Variants in ZNF568 observed in about 807,000 individuals in gnomAD.
The protein encoded by ZNF568 is zinc finger protein 568, also known as p53 inhibitor of SCO2 activation.
In ZNF568, 11 loss-of-function variants were observed where a neutral mutation model predicts 18.1. The observed-to-expected ratio is 0.61, with a 90% CI of 0.38 to 1.00. ZNF568 has a LOEUF of 1.00. Ranked by LOEUF, ZNF568 falls within the 50% of genes least tolerant of loss-of-function variation. The pLI is 0.01. For synonymous variants in ZNF568, 213 were observed against 246.6 expected, an observed-to-expected ratio of 0.86 and a Z score of 1.28; for missense variants, 639 against 768.2, an observed-to-expected ratio of 0.83 and a Z score of 1.99.
chr19:36,957,219 CTT>C (rs56712509), downstream of ZNF568, among the ~76,000 whole-genome samples: 1,409 of 69,542 alleles, frequency 0.02, 14 homozygotes, highest in East Asian at 0.041. Context: ...CCAGACTGTT[CTT>C]TTTTTTTTTT....
chr19:36,975,311 C>T (rs2074273963), intron 7 of ZNF568, among the ~76,000 whole-genome samples: 2 of 151,678 alleles, frequency 1.3e-5, no homozygotes, highest in Non-Finnish European at 1.5e-5. Flanking sequence ...CCACGCCCGG[C>T]TAATTTTTTG....
rs904238950 is a variant in ZNF568, at chr19:36,950,098, C to T, written c.945C>T (p.Phe315=). 8 of 1,613,582 alleles carry T rather than the reference C, an allele frequency of 5.0e-6. No individual in the cohort carries two copies. The East Asian group carries it at 6.7e-5, about 13-fold the overall frequency. ...CATGTAAGGATTGTTGGAAAGCCTTCAGTCAGAAATCAAATCTCATTGAAC... is the reference window on the plus strand; with the variant it reads ...CATGTAAGGATTGTTGGAAAGCCTTTAGTCAGAAATCAAATCTCATTGAAC... ...PYACKDCWKA[F]SQKSNLIEHE... Residue 315 remains phenylalanine (F), a synonymous_variant, in exon 7 of 7, where the codon TTC becomes TTT. Transcript: ENST00000333987.
chr19:36,920,034 C>G (rs2073424817), intron 2 of ZNF568, among the ~76,000 whole-genome samples: 1 of 151,890 alleles, frequency 6.6e-6, no homozygotes, highest in Admixed American at 6.6e-5. Flanking sequence ...AGGAGGTATT[C>G]CAGAAGAAGG....
At chr19:36,969,358 C>T (rs2074219026) in intron 6 of ZNF568, among the ~76,000 whole-genome samples, 1 of 152,126 alleles carries the variant, frequency 6.6e-6, no homozygotes, top group South Asian at 2.1e-4. Context: ...AGAAGGAATG[C>T]AAAAGTTCTA....
intron 4 of ZNF568, among the ~76,000 whole-genome samples, chr19:36,994,791 C>T (rs1035959181): frequency 1.3e-5 from 2 of 152,098 alleles, no homozygotes; most frequent in African/African-American, 4.8e-5. Flanking sequence ...CCTGCCTCAG[C>T]CTCCCGAGTA....
At chr19:36,948,657 G>GTTTTTTTTTTTTTTTTTTTTTT (rs1568391851) in intron 6 of ZNF568, among the ~76,000 whole-genome samples, 2 of 42,546 alleles carry the variant, frequency 4.7e-5, no homozygotes, top group Admixed American at 2.4e-4. Context: ...TTTTGTTGTT[G>GTTTTTTTTTTTTTTTTTTTTTT]ATTTTTTTTT....
At chr19:36,961,672 C>T (rs952649303) in intron 6 of ZNF568, among the ~76,000 whole-genome samples, 6 of 151,968 alleles carry the variant, frequency 3.9e-5, no homozygotes, top group African/African-American at 9.7e-5. Context: ...TACAGGCATG[C>T]GCTGGCACGC....
chr19:36,947,896 G>GCA (rs1352222396), intron 6 of ZNF568, among the ~76,000 whole-genome samples: 4 of 152,146 alleles, frequency 2.6e-5, no homozygotes, highest in African/African-American at 9.7e-5. Context: ...CACTGCCCAG[G>GCA]CACACACAGC....
chr19:36,925,338 T>G, intron 4 of ZNF568, 80 bp downstream of exon 4: 1 of 1,244,006 alleles, frequency 8.0e-7, no homozygotes, highest in Non-Finnish European at 1.1e-6. Flanking sequence ...ACCAATGTGT[T>G]GGAAAAAATA....
Position 36,925,247 on chromosome 19 carries a change from A to G in ZNF568, c.124A>G (p.Thr42Ala), listed in dbSNP as rs368919394. 1.3e-5 allele frequency: 21 copies of G among 1,613,882 alleles called. No individual in the cohort carries two copies. The highest frequency in any genetic ancestry group is 4.0e-5 in the African/African-American group (3 of 74,918). The change falls in exon 4 of 7, where the codon ACC becomes GCC. Residue 42 changes from threonine (T) to alanine (A), a missense_variant. Transcript: ENST00000333987. ...CCTTTCCGAGGAAGAAGAGGATACA[A>G]CCAGGCCTCTTGTACGTCTTAAGCA... ...SALSEEEEDTTRPLETVTFKD... is the reference protein window; with the variant it reads ...SALSEEEEDTARPLETVTFKD...
intron 7 of ZNF568, among the ~76,000 whole-genome samples, chr19:36,978,517 G>A (rs1289458582): frequency 5.3e-5 from 8 of 152,012 alleles, no homozygotes; most frequent in African/African-American, 1.7e-4. Flanking sequence ...TTGGAATTCT[G>A]TTCCTTTTCT....
chr19:36,990,600 G>C (rs539253351), intron 2 of ZNF568, among the ~76,000 whole-genome samples: 3 of 152,352 alleles, frequency 2.0e-5, no homozygotes, highest in South Asian at 2.1e-4. Flanking sequence ...GGGCACCCAA[G>C]TGAGACTCTG....
At chr19:36,996,628 C>T (rs2146353977) in exon 5 of ZNF568, 1 of 1,535,384 alleles carries the variant, frequency 6.5e-7, no homozygotes, top group East Asian at 2.4e-5. Flanking sequence ...GGAAAAAGAA[C>T]CTGAATGTGG....
intron 6 of ZNF568, among the ~76,000 whole-genome samples, chr19:36,966,710 G>A (rs955571310): frequency 2.6e-5 from 4 of 152,206 alleles, no homozygotes; most frequent in African/African-American, 9.6e-5. Flanking sequence ...TCTGGCTCAG[G>A]TTGCAGCATT....
intron 6 of ZNF568, among the ~76,000 whole-genome samples, chr19:36,957,853 T>C (rs184399506): frequency 3.9e-4 from 60 of 152,318 alleles, no homozygotes; most frequent in African/African-American, 1.4e-3. Flanking sequence ...TTCAAGTCTC[T>C]TTACTATTAA....
At position 36,975,681 on chromosome 19, in the gene ZNF568, C is replaced by CTTTTT. The variant is rs1193440344; in HGVS notation, c.405+1232_405+1236dup. 2.4e-3 allele frequency among the ~76,000 whole-genome samples: 183 copies of CTTTTT among 75,774 alleles called. 25 individuals are homozygous for CTTTTT. Among genetic ancestry groups the CTTTTT allele is most frequent in the Non-Finnish European group, 2.9e-3 (124 of 42,818 alleles). The allele number at this position is 75,774 out of a possible 152,430, so 49.7% of individuals were successfully genotyped here. A position where few individuals can be genotyped will look rare whatever the true frequency, so the allele number is the denominator to read the frequency against. ...GCAGGCGTGAGCCACCGCGCCAAGA[C>CTTTTT]TTTTTTTTTTTTTTTTTTTTTGAGA... On this transcript the variant is annotated intron_variant, in intron 7 of 7. Transcript: ENST00000427117.
At chr19:36,970,885 CA>C (rs1203817635) in intron 6 of ZNF568, among the ~76,000 whole-genome samples, 8 of 151,960 alleles carry the variant, frequency 5.3e-5, no homozygotes, top group Non-Finnish European at 7.4e-5. Context: ...ATTTAAATTT[CA>C]TTAGAAAATC....
intron 2 of ZNF568, among the ~76,000 whole-genome samples, chr19:36,919,233 A>C (rs1227763583): frequency 1.3e-5 from 2 of 152,222 alleles, no homozygotes; most frequent in South Asian, 2.1e-4. Context: ...ACCTACTATG[A>C]ATATCAAAAA....
chr19:36,955,453 G>C (rs908144332), downstream of ZNF568, among the ~76,000 whole-genome samples: 4 of 152,054 alleles, frequency 2.6e-5, no homozygotes, highest in Non-Finnish European at 4.4e-5. Flanking sequence ...CCTCAGAGTA[G>C]GTCTAAAAGG....
Sources: gnomAD v4.1 joint callset for allele counts (sites outside exome capture counted in the v4.1 genomes callset) on GRCh38, gnomAD v4.1.1 for gene constraint, MANE v1.5 for transcripts, NCBI Gene and HGNC (gene_info 2026-07-23, HGNC 2026-07-21) for gene names.